FGFR2: variants seen among roughly 807,000 people sequenced by gnomAD.
The protein encoded by FGFR2 is BEK fibroblast growth factor receptor.
A neutral mutation model predicts 95.9 loss-of-function variants in FGFR2; 19 were observed. The observed-to-expected ratio is 0.20, with a 90% CI of 0.14 to 0.29. The LOEUF (loss-of-function observed/expected upper bound fraction) is 0.29. Among genes scored for constraint, FGFR2 ranks in the 10% least tolerant of loss-of-function variants. The pLI, the probability that FGFR2 is intolerant of heterozygous loss-of-function variation, is 1.00. For missense variants in FGFR2, 707 were observed against 1,056.9 expected, an observed-to-expected ratio of 0.67 and a Z score of 4.59; for synonymous variants, 392 against 393.3, an observed-to-expected ratio of 1.00 and a Z score of 0.04.
intron 5 of FGFR2, 108 bp downstream of exon 5, chr10:121,551,182 G>A (rs906902808): frequency 4.1e-5 from 53 of 1,278,164 alleles, no homozygotes; most frequent in Admixed American, 1.8e-4. Flanking sequence ...ATCGCACCAC[G>A]GCACTCCAGC....
At position 121,485,688 on chromosome 10, in the gene FGFR2, A is replaced by G. The variant is rs1006102800; in HGVS notation, c.2058-156T>C. ...CCTATGTGCTCTTTCCTGCCCTGCA[A>G]GAGCATCCCCGAATGATGATGACAC... On this transcript the variant is annotated intron_variant, in intron 15 of 17. Coordinates refer to ENST00000358487, the MANE Select transcript of FGFR2 (RefSeq NM_000141.5). This position sits in a 1 kb window ranked among gnomAD's most constrained non-coding sequence, Gnocchi z 4.2. 6.6e-6 allele frequency among the ~76,000 whole-genome samples: 1 copy of G among 152,190 alleles called. No homozygotes were observed. The highest frequency in any genetic ancestry group is 2.4e-5 in the African/African-American group (1 of 41,462).
chr10:121,492,703 C>T (rs1389491261), intron 13 of FGFR2, among the ~76,000 whole-genome samples: 2 of 151,846 alleles, frequency 1.3e-5, no homozygotes, highest in Non-Finnish European at 2.9e-5. Flanking sequence ...CGCAAGGGGA[C>T]CATGCTTAAC....
At chr10:121,564,678 C>A in intron 3 of FGFR2, 99 bp from the exon 4 acceptor site, 1 of 1,038,436 alleles carries the variant, frequency 9.6e-7, no homozygotes, top group Non-Finnish European at 1.5e-6. Context: ...AAGTCAACAA[C>A]CCAGGAACCC....
chr10:121,498,830 G>C (rs981421183), intron 11 of FGFR2, among the ~76,000 whole-genome samples: 2 of 152,218 alleles, frequency 1.3e-5, no homozygotes, highest in African/African-American at 4.8e-5. Context: ...ATGGGGCCAA[G>C]AGTCAGGACG....
intron 17 of FGFR2, among the ~76,000 whole-genome samples, chr10:121,483,155 C>T (rs1844979590): frequency 6.6e-6 from 1 of 152,140 alleles, no homozygotes; most frequent in Non-Finnish European, 1.5e-5. Flanking sequence ...GTAAGTTGCT[C>T]ATTGTAGAAA....
chr10:121,566,174 GC>G (rs1857645897), intron 2 of FGFR2, among the ~76,000 whole-genome samples: 2 of 152,128 alleles, frequency 1.3e-5, no homozygotes, highest in South Asian at 4.1e-4. Context: ...CCAAGGCCAA[GC>G]TTCTTAAAAT....
chr10:121,558,983 T>C (rs1459019102), intron 4 of FGFR2, among the ~76,000 whole-genome samples: 2 of 152,108 alleles, frequency 1.3e-5, no homozygotes, highest in African/African-American at 4.8e-5. Context: ...GCAGCTGAGC[T>C]TGCCTTCTTA....
intron 3 of FGFR2, 74 bp from the exon 4 acceptor site, chr10:121,564,653 A>G: frequency 7.4e-7 from 1 of 1,344,320 alleles, no homozygotes; most frequent in Non-Finnish European, 1.1e-6. Flanking sequence ...TACAACTGAG[A>G]CCTTCTCCAT....
At chr10:121,547,181 G>A (rs1854645645) in intron 5 of FGFR2, among the ~76,000 whole-genome samples, 1 of 152,136 alleles carries the variant, frequency 6.6e-6, no homozygotes, top group South Asian at 2.1e-4. Context: ...CTGAGATCAT[G>A]CCATTGCACT....
chr10:121,587,266 A>C (rs752535686), intron 2 of FGFR2, among the ~76,000 whole-genome samples: 6 of 152,204 alleles, frequency 3.9e-5, no homozygotes, highest in Non-Finnish European at 5.9e-5. Flanking sequence ...TCAAGATGGA[A>C]GAAAGACTTA....
chr10:121,595,031 G>A (rs991365921), intron 1 of FGFR2, among the ~76,000 whole-genome samples: 1 of 152,110 alleles, frequency 6.6e-6, no homozygotes, highest in Non-Finnish European at 1.5e-5. Flanking sequence ...GTGACTAAGG[G>A]TACAGTAAAA....
intron 2 of FGFR2, among the ~76,000 whole-genome samples, chr10:121,569,578 T>C (rs541976531): frequency 6.6e-6 from 1 of 152,218 alleles, no homozygotes; most frequent in Non-Finnish European, 1.5e-5. Flanking sequence ...CCCATCTCAA[T>C]GGACAGTTAA....
chr10:121,590,222 G>A (rs1431437055), intron 2 of FGFR2, among the ~76,000 whole-genome samples: 1 of 152,118 alleles, frequency 6.6e-6, no homozygotes, highest in Non-Finnish European at 1.5e-5. Flanking sequence ...TAAGGGTGTA[G>A]GGTTGAAAAG....
intron 4 of FGFR2, among the ~76,000 whole-genome samples, chr10:121,551,877 G>A (rs559178868): frequency 2.4e-4 from 37 of 152,166 alleles, no homozygotes; most frequent in Admixed American, 1.6e-3. Flanking sequence ...ACTAGTAAAA[G>A]CAAGTTGTTC....
intron 5 of FGFR2, among the ~76,000 whole-genome samples, chr10:121,542,334 G>A (rs1464108974): frequency 6.6e-6 from 1 of 152,142 alleles, no homozygotes; most frequent in Non-Finnish European, 1.5e-5. Flanking sequence ...TATGGGTATT[G>A]CCTACTTTTT....
In FGFR2 at chr10:121,517,619, G is replaced by A; in HGVS notation, c.940-156C>T. ...CCATCCACAAAGCCCACAACCGAGA[G>A]ACACGGAGCAACACTGACCAGCTCA... On this transcript the variant is annotated intron_variant, in intron 7 of 17. Coordinates refer to ENST00000358487, the MANE Select transcript of FGFR2 (RefSeq NM_000141.5). The surrounding 1 kb of genome is among the most constrained non-coding windows in gnomAD (Gnocchi z 4.7). The A allele has an allele frequency of 1.2e-6, 1 of 833,132 alleles. No individual in the cohort carries two copies. Among genetic ancestry groups the A allele is most frequent in the Non-Finnish European group, 2.0e-6 (1 of 504,788 alleles). The allele number at this position is 833,132 out of a possible 1,614,324, so 51.6% of individuals were successfully genotyped here.
intron 6 of FGFR2, 67 bp downstream of exon 6, chr10:121,538,525 T>C: frequency 6.2e-7 from 1 of 1,610,988 alleles, no homozygotes; most frequent in Non-Finnish European, 8.5e-7. Context: ...TTAACGTTCA[T>C]GCTTTCAAAC....
At chr10:121,575,107 A>G (rs1402206355) in intron 2 of FGFR2, among the ~76,000 whole-genome samples, 2 of 152,216 alleles carry the variant, frequency 1.3e-5, no homozygotes, top group African/African-American at 4.8e-5. Context: ...TGTTTCCAAT[A>G]TGGTAACCAT....
rs771068222 is a variant in FGFR2 at position 121,520,081 on chromosome 10, C to T, written c.837G>A (p.Lys279=). ...VVGGDVEFVC[K]VYSDAQPHIQ... is the part of the protein sequence containing the mutation. The stretch of plus-strand genomic sequence containing the variant: ...TGTGGGGCTGGGCATCACTGTAAAC[C>T]TTGCAGACAAACTCTACGTCTCCTC... Residue 279 remains lysine, a synonymous_variant, in exon 7 of 18, where the codon AAG becomes AAA. Coordinates refer to ENST00000358487, the MANE Select transcript of FGFR2 (RefSeq NM_000141.5). 4 of 1,614,230 alleles carry T rather than the reference C, an allele frequency of 2.5e-6. No individual in the cohort carries two copies. The highest frequency in any genetic ancestry group is 2.2e-5 in the South Asian group (2 of 91,086).
Sources: gnomAD v4.1 joint callset for allele counts (sites outside exome capture counted in the v4.1 genomes callset) on GRCh38, gnomAD v4.1.1 for gene constraint, Gnocchi (gnomAD v3.1) non-coding constraint, MANE v1.5 for transcripts, NCBI Gene and HGNC (gene_info 2026-07-23, HGNC 2026-07-21) for gene names.